ACYP2: variants seen among roughly 807,000 people sequenced by gnomAD.
ACYP2 encodes acylphosphatase 2, also known as acylphosphatase-2.
Under a neutral mutation model 11.2 loss-of-function variants are expected in ACYP2, and 12 were observed. That is an observed-to-expected ratio of 1.08 (90% CI 0.69 to 1.74). The LOEUF (loss-of-function observed/expected upper bound fraction) is 1.74. Ranked by LOEUF, ACYP2 falls within the 40% of genes most tolerant of loss-of-function variation. The pLI, the probability that ACYP2 is intolerant of heterozygous loss-of-function variation, is 0.00. For synonymous variants in ACYP2, 43 were observed against 32.2 expected (o/e 1.33, Z -1.13); for missense variants, 134 against 101.9 (o/e 1.31, Z -1.35).
chr2:54,029,065 C>T (rs1054335288), intron 2 of ACYP2, among the ~76,000 whole-genome samples: 6 of 151,854 alleles, frequency 4.0e-5, no homozygotes, highest in African/African-American at 9.7e-5. Context: ...CTCAGGAGGC[C>T]GAGGTAGGAG....
intron 6 of ACYP2, among the ~76,000 whole-genome samples, chr2:54,270,539 C>G (rs566852326): frequency 6.6e-6 from 1 of 151,942 alleles, no homozygotes; most frequent in Non-Finnish European, 1.5e-5. Context: ...GCTCAGTAGA[C>G]GAGGCTACAG....
At chr2:54,270,144 G>A (rs1688217110) in intron 6 of ACYP2, among the ~76,000 whole-genome samples, 1 of 151,998 alleles carries the variant, frequency 6.6e-6, no homozygotes, top group Non-Finnish European at 1.5e-5. Context: ...CTTCTTCCCT[G>A]TTTCCTAATT....
At chr2:54,051,504 CT>C in intron 3 of ACYP2, 11 of 706,292 alleles carry the variant, frequency 1.6e-5, no homozygotes, top group South Asian at 1.6e-5. Flanking sequence ...CTCCTTTGGG[CT>C]TTTTTTCTGT....
At chr2:54,287,384 C>T (rs572510632) in intron 6 of ACYP2, among the ~76,000 whole-genome samples, 1 of 151,962 alleles carries the variant, frequency 6.6e-6, no homozygotes, top group Non-Finnish European at 1.5e-5. Flanking sequence ...TTAATACTGT[C>T]ACACTGGCAA....
intron 6 of ACYP2, among the ~76,000 whole-genome samples, chr2:54,208,473 T>TA (rs1194309568): frequency 1.3e-5 from 2 of 152,198 alleles, no homozygotes; most frequent in Non-Finnish European, 1.5e-5. Flanking sequence ...TTTTAATTGT[T>TA]AGAGCTTGAT....
intron 2 of ACYP2, among the ~76,000 whole-genome samples, chr2:53,987,835 G>T (rs1433339450): frequency 1.3e-5 from 2 of 152,032 alleles, no homozygotes; most frequent in African/African-American, 4.8e-5. Flanking sequence ...TGGATTGCTT[G>T]TGGGTTTTTT....
chr2:54,138,879 G>A, intron 6 of ACYP2, 131 bp downstream of exon 3: 2 of 696,440 alleles, frequency 2.9e-6, no homozygotes, highest in Non-Finnish European at 4.8e-6. Context: ...TACAACCTCT[G>A]CCTTCCAGGC....
chr2:54,299,767 C>T (rs928675170), intron 6 of ACYP2, among the ~76,000 whole-genome samples: 7 of 151,904 alleles, frequency 4.6e-5, no homozygotes, highest in Admixed American at 2.6e-4. Flanking sequence ...ATTGTTCCTG[C>T]TGAAAAAAAC....
At chr2:54,125,018 G>T (rs1027139143) in intron 4 of ACYP2, among the ~76,000 whole-genome samples, 2 of 152,128 alleles carry the variant, frequency 1.3e-5, no homozygotes, top group Non-Finnish European at 2.9e-5. Context: ...TTCCCAAAGT[G>T]CTGGGATTAC....
chr2:54,031,611 C>A (rs1199217884), intron 2 of ACYP2, among the ~76,000 whole-genome samples: 1 of 152,106 alleles, frequency 6.6e-6, no homozygotes, highest in Non-Finnish European at 1.5e-5. Flanking sequence ...TTTATAGCAG[C>A]ATGATTTATA....
Position 54,202,706 on chromosome 2 carries a change from C to CTTTT in ACYP2, c.404+63996_404+63999dup, listed in dbSNP as rs70944152. On this transcript the variant is annotated intron_variant, in intron 6 of 6. Transcript: ENST00000607452. ...TACAGGTGTGAGCCACGGCGCCTGG[C>CTTTT]TTTTTTTTTTTTTTTTTTTTTTTTT... is the stretch of plus-strand genomic sequence containing the variant. Among the ~76,000 whole-genome samples the CTTTT allele has an allele frequency of 6.3e-4, 27 of 43,082 alleles. 9 individuals carry two copies. Among genetic ancestry groups the CTTTT allele is most frequent in the East Asian group, 4.7e-3 (5 of 1,068 alleles). The allele number at this position is 43,082 out of a possible 152,430, so 28.3% of individuals were successfully genotyped here.
intron 2 of ACYP2, among the ~76,000 whole-genome samples, chr2:54,021,990 C>G (rs1446993404): frequency 6.6e-6 from 1 of 152,098 alleles, no homozygotes; most frequent in East Asian, 1.9e-4. Flanking sequence ...AAAAAAATGA[C>G]CCCTAGAGAA....
At chr2:53,979,338 T>C (rs892668475) in intron 2 of ACYP2, among the ~76,000 whole-genome samples, 1 of 151,928 alleles carries the variant, frequency 6.6e-6, no homozygotes, top group Non-Finnish European at 1.5e-5. Flanking sequence ...CATAAAAAAT[T>C]AGGATACAAG....
intron 6 of ACYP2, among the ~76,000 whole-genome samples, chr2:54,213,752 C>T (rs1459159585): frequency 6.7e-6 from 1 of 149,528 alleles, no homozygotes; most frequent in Admixed American, 6.6e-5. Context: ...ATGTCCTTTG[C>T]CCCCCACCCC....
intron 6 of ACYP2, among the ~76,000 whole-genome samples, chr2:54,201,605 TTTC>T (rs1481734542): frequency 0.019 from 1,161 of 61,292 alleles, 21 homozygotes; most frequent in African/African-American, 0.063. Flanking sequence ...TCTTTCTTTC[TTTC>T]TTTCTTTCTT....
intron 6 of ACYP2, among the ~76,000 whole-genome samples, chr2:54,259,182 T>A (rs574799295): frequency 3.3e-5 from 5 of 152,324 alleles, no homozygotes; most frequent in Non-Finnish European, 7.4e-5. Context: ...AAGGTTATAA[T>A]GAGGAAGATC....
At chr2:54,119,301 C>T (rs75726099) in intron 4 of ACYP2, among the ~76,000 whole-genome samples, 3,053 of 152,010 alleles carry the variant, frequency 0.02, 34 homozygotes, top group Non-Finnish European at 0.027. Flanking sequence ...AAGCAAGCCT[C>T]CCACCTCGGC....
At position 53,983,519 on chromosome 2, in the gene ACYP2, A is replaced by G. The variant is rs75225741; in HGVS notation, c.62+9709A>G. Among the ~76,000 whole-genome samples the G allele has an allele frequency of 8.3e-3, 1,257 of 152,260 alleles. 11 individuals carry two copies. The highest frequency in any genetic ancestry group is 0.012 in the Non-Finnish European group (791 of 68,024). On this transcript the variant is annotated intron_variant, in intron 2 of 6. Coordinates refer to ENST00000607452, the MANE Select transcript of ACYP2 (RefSeq NM_001320586.2). ...AGACCCTGTCTCAAAAAAGAAAAGA[A>G]AACAGTACGAATGGAAGCTTGAGGT...
At position 54,267,158 on chromosome 2, in the gene ACYP2, G is replaced by A. The variant is rs75619823; in HGVS notation, c.405-37530G>A. 2,605 of 798,698 alleles carry A rather than the reference G, an allele frequency of 3.3e-3. 47 individuals are homozygous for A. The African/African-American group carries it at 0.041, about 12-fold the overall frequency. 49.5% of individuals were successfully genotyped at this position (798,698 alleles called of 1,614,324 possible). A position where few individuals can be genotyped will look rare whatever the true frequency, so the allele number is the denominator to read the frequency against. Reference sequence around the variant, plus strand: ...TTCTGTATTGTTGAGTTGTTATAATGAGCATGTATTATTCATGTATTTTTT... The same window carrying A: ...TTCTGTATTGTTGAGTTGTTATAATAAGCATGTATTATTCATGTATTTTTT... On this transcript the variant is annotated intron_variant, in intron 6 of 6. Transcript: ENST00000607452.
Sources: gnomAD v4.1 joint callset for allele counts (sites outside exome capture counted in the v4.1 genomes callset) on GRCh38, gnomAD v4.1.1 for gene constraint, MANE v1.5 for transcripts, NCBI Gene and HGNC (gene_info 2026-07-23, HGNC 2026-07-21) for gene names.